The following FREM2 variants were observed in gnomAD, a reference collection of about 807,000 sequenced individuals.
FREM2 encodes FRAS1 related extracellular matrix 2, also known as FRAS1-related extracellular matrix protein 2.
A neutral mutation model predicts 219.9 loss-of-function variants in FREM2; 119 were observed. That is an observed-to-expected ratio of 0.54 (90% CI 0.47 to 0.63). The LOEUF (loss-of-function observed/expected upper bound fraction) is 0.63. Ranked by LOEUF, FREM2 falls within the 30% of genes least tolerant of loss-of-function variation. The pLI is 0.00. For missense variants in FREM2, 4,030 were observed against 3,993.6 expected (o/e 1.01, Z -0.25); for synonymous variants, 1,562 against 1,522.8 (o/e 1.03, Z -0.60).
intron 6 of FREM2, among the ~76,000 whole-genome samples, chr13:38,830,494 T>A (rs1292986534): frequency 2.0e-5 from 3 of 152,212 alleles, no homozygotes; most frequent in African/African-American, 7.2e-5. Context: ...CTTCAGTCCA[T>A]CCACCATGCT....
At chr13:38,757,846 C>T (rs1873076244) in intron 2 of FREM2, among the ~76,000 whole-genome samples, 1 of 152,088 alleles carries the variant, frequency 6.6e-6, no homozygotes, top group Non-Finnish European at 1.5e-5. Flanking sequence ...CCTAGGCCTC[C>T]CAAAGTGCTG....
chr13:38,827,082 A>G (rs1876317866), intron 6 of FREM2, among the ~76,000 whole-genome samples: 1 of 152,140 alleles, frequency 6.6e-6, no homozygotes, highest in Non-Finnish European at 1.5e-5. Flanking sequence ...TTACATGTCC[A>G]GACTCTTAAC....
At chr13:38,805,231 G>A (rs1875178514) in intron 6 of FREM2, among the ~76,000 whole-genome samples, 1 of 151,884 alleles carries the variant, frequency 6.6e-6, no homozygotes, top group South Asian at 2.1e-4. Context: ...CAGTGTACGT[G>A]AAAAGAAATG....
chr13:38,756,927 G>A (rs1873033337), intron 2 of FREM2, among the ~76,000 whole-genome samples: 1 of 152,042 alleles, frequency 6.6e-6, no homozygotes, highest in South Asian at 2.1e-4. Context: ...ACTGTGAATA[G>A]GATACTTCTT....
At chr13:38,758,106 G>T (rs549658644) in intron 2 of FREM2, among the ~76,000 whole-genome samples, 8 of 152,048 alleles carry the variant, frequency 5.3e-5, no homozygotes, top group African/African-American at 1.7e-4. Context: ...GTCATCCCTC[G>T]GTGCCTGAGT....
At chr13:38,821,599 G>T (rs1876059907) in intron 6 of FREM2, 1 of 151,650 alleles carries the variant, frequency 6.6e-6, no homozygotes. Context: ...TCTGAAACAG[G>T]CGTTTGAAAT....
intron 2 of FREM2, among the ~76,000 whole-genome samples, chr13:38,728,155 C>T (rs1871606774): frequency 6.6e-6 from 1 of 151,840 alleles, no homozygotes; most frequent in African/African-American, 2.4e-5. Flanking sequence ...CACCCAACAC[C>T]AATATCATAA....
chr13:38,868,687 A>G (rs565938824), intron 16 of FREM2, among the ~76,000 whole-genome samples: 1 of 152,354 alleles, frequency 6.6e-6, no homozygotes, highest in East Asian at 1.9e-4. Context: ...TGTCCTAACA[A>G]CAGTGGTCTA....
At chr13:38,701,256 A>G (rs1412448398) in intron 2 of FREM2, among the ~76,000 whole-genome samples, 1 of 152,170 alleles carries the variant, frequency 6.6e-6, no homozygotes, top group Non-Finnish European at 1.5e-5. Flanking sequence ...ACATGAATGC[A>G]TCATTACAAA....
At chr13:38,712,918 T>C (rs898027618) in intron 2 of FREM2, among the ~76,000 whole-genome samples, 1 of 152,236 alleles carries the variant, frequency 6.6e-6, no homozygotes, top group Non-Finnish European at 1.5e-5. Context: ...CTGTATCAGA[T>C]GTGATTCTTC....
intron 6 of FREM2, among the ~76,000 whole-genome samples, chr13:38,808,074 G>A (rs1256167224): frequency 6.6e-5 from 10 of 151,892 alleles, no homozygotes; most frequent in African/African-American, 2.2e-4. Context: ...CAGCTTCTAC[G>A]TCAGCACTTG....
intron 2 of FREM2, among the ~76,000 whole-genome samples, chr13:38,755,510 G>A (rs1408170265): frequency 6.6e-6 from 1 of 152,102 alleles, no homozygotes; most frequent in Non-Finnish European, 1.5e-5. Context: ...TCTTTCCCTG[G>A]AATCCAAAAA....
At chr13:38,733,700 G>A (rs1228021405) in intron 2 of FREM2, among the ~76,000 whole-genome samples, 1 of 151,986 alleles carries the variant, frequency 6.6e-6, no homozygotes, top group Non-Finnish European at 1.5e-5. Context: ...TTGAGACAGG[G>A]TCTTGCTCTA....
In FREM2 at chr13:38,728,188, C is replaced by CT. The variant is rs368076732; in HGVS notation, c.5263+30411dup. On this transcript the variant is annotated intron_variant, in intron 2 of 23. Coordinates refer to ENST00000280481, the MANE Select transcript of FREM2 (RefSeq NM_207361.6). Reference sequence around the variant, plus strand: ...TAAACAATGTGGAGTATTTTGTATTCTTTTTTTTTTCCTATCTAGTAATTT... The same window carrying CT: ...TAAACAATGTGGAGTATTTTGTATTCTTTTTTTTTTTCCTATCTAGTAATTT... Among the ~76,000 whole-genome samples the CT allele has an allele frequency of 1.1e-4, 17 of 149,294 alleles. No homozygotes were observed. In the South Asian group the frequency reaches 1.7e-3, roughly 15 times the overall value.
At chr13:38,721,408 G>C (rs1483585050) in intron 2 of FREM2, among the ~76,000 whole-genome samples, 1 of 152,116 alleles carries the variant, frequency 6.6e-6, no homozygotes, top group African/African-American at 2.4e-5. Flanking sequence ...GGACAGCAGA[G>C]CAGAGGTAGC....
chr13:38,742,263 A>G (rs1475504574), intron 2 of FREM2, among the ~76,000 whole-genome samples: 2 of 152,244 alleles, frequency 1.3e-5, no homozygotes, highest in South Asian at 2.1e-4. Flanking sequence ...CACTTGCAAT[A>G]TCTAATAATG....
intron 6 of FREM2, among the ~76,000 whole-genome samples, chr13:38,830,713 T>C (rs1876472845): frequency 6.6e-6 from 1 of 152,178 alleles, no homozygotes; most frequent in Non-Finnish European, 1.5e-5. Context: ...GTCTTTCTTT[T>C]CCTTTATCTG....
chr13:38,855,924 T>C (rs1468242671), intron 11 of FREM2, among the ~76,000 whole-genome samples: 2 of 151,680 alleles, frequency 1.3e-5, no homozygotes, highest in African/African-American at 4.8e-5. Flanking sequence ...AAAGAAAATA[T>C]TAAAGTAAAA....
At chr13:38,816,526 A>G (rs116320954) in intron 6 of FREM2, among the ~76,000 whole-genome samples, 3,573 of 152,256 alleles carry the variant, frequency 0.023, 141 homozygotes, top group African/African-American at 0.082. Flanking sequence ...ATAAAAATTT[A>G]CTATCATGAT....
Sources: allele counts gnomAD v4.1 joint callset (sites outside exome capture counted in the v4.1 genomes callset), GRCh38; gene constraint gnomAD v4.1.1; transcripts MANE v1.5; gene names NCBI Gene and HGNC (gene_info 2026-07-23, HGNC 2026-07-21).